The following AKAP13 variants were observed in gnomAD, a reference collection of about 807,000 sequenced individuals.
AKAP13 encodes the protein A-kinase anchor protein 13.
A neutral mutation model predicts 264.5 loss-of-function variants in AKAP13; 80 were observed. The observed-to-expected ratio is 0.30, with a 90% confidence interval of 0.25 to 0.36. The LOEUF is 0.36. Among genes scored for constraint, AKAP13 ranks in the 10% least tolerant of loss-of-function variants. The pLI is 1.00. For synonymous variants in AKAP13, 1,380 were observed against 1,250.2 expected, an observed-to-expected ratio of 1.10 and a Z score of -2.19; for missense variants, 3,712 against 3,435.2, an observed-to-expected ratio of 1.08 and a Z score of -2.01.
rs114396440 is a variant in AKAP13, at chr15:85,717,988, G to A, written c.5849-19G>A. 2,210 of 1,607,670 alleles carry A rather than the reference G, an allele frequency of 1.4e-3. 19 individuals are homozygous for A. In the African/African-American group the frequency reaches 0.019, roughly 14 times the overall value. On this transcript the variant is annotated intron_variant, in intron 21 of 36. Coordinates refer to ENST00000394518, the MANE Select transcript of AKAP13 (RefSeq NM_007200.5). ...AGGTCACAAACCTGATTCTGATATT[G>A]ATTTTTTGATATATTGAGGAGTAGG...
chr15:85,451,978 T>C (rs557954840), intron 1 of AKAP13, among the ~76,000 whole-genome samples: 14 of 152,290 alleles, frequency 9.2e-5, no homozygotes, highest in African/African-American at 3.4e-4. Flanking sequence ...TTGTTGGCGT[T>C]CTCCCCTTGC....
intron 29 of AKAP13, among the ~76,000 whole-genome samples, chr15:85,728,106 A>G (rs528544544): frequency 1.1e-4 from 16 of 152,278 alleles, no homozygotes; most frequent in Non-Finnish European, 2.1e-4. Context: ...CCAGAATTCT[A>G]TTCCCTGTCT....
chr15:85,491,578 A>G (rs2075730161), intron 2 of AKAP13, among the ~76,000 whole-genome samples: 1 of 148,580 alleles, frequency 6.7e-6, no homozygotes, highest in Non-Finnish European at 1.5e-5. Context: ...TTATGAGAGG[A>G]CAGTGTAATA....
At chr15:85,538,490 CTT>C (rs1056287024) in intron 4 of AKAP13, among the ~76,000 whole-genome samples, 13 of 139,022 alleles carry the variant, frequency 9.4e-5, no homozygotes, top group Admixed American at 2.1e-4. Context: ...GCTTTTCTTT[CTT>C]TTTTTTTTTT....
At chr15:85,512,841 GTA>G in intron 2 of AKAP13, among the ~76,000 whole-genome samples, 1 of 151,432 alleles carries the variant, frequency 6.6e-6, no homozygotes, top group Non-Finnish European at 1.5e-5. Flanking sequence ...ATGTATGTAT[GTA>G]TGTATGTATG....
intron 1 of AKAP13, among the ~76,000 whole-genome samples, chr15:85,442,385 G>C (rs1179248471): frequency 7.4e-6 from 1 of 135,154 alleles, no homozygotes; most frequent in African/African-American, 2.8e-5. Flanking sequence ...ACTCCAGCCT[G>C]GGTGATAGAG....
chr15:85,711,713 T>C (rs2086641090), intron 19 of AKAP13, among the ~76,000 whole-genome samples: 1 of 152,214 alleles, frequency 6.6e-6, no homozygotes, highest in African/African-American at 2.4e-5. Flanking sequence ...CTGTGAGACT[T>C]TTCCCAGGCA....
intron 4 of AKAP13, among the ~76,000 whole-genome samples, chr15:85,542,789 A>G (rs1216123374): frequency 6.6e-6 from 1 of 152,258 alleles, no homozygotes. Context: ...CCAAGAGGAC[A>G]GTGAAGAGAG....
At chr15:85,641,464 A>G (rs2082305336) in intron 9 of AKAP13, among the ~76,000 whole-genome samples, 1 of 55,070 alleles carries the variant, frequency 1.8e-5, no homozygotes, top group Non-Finnish European at 5.5e-5. Flanking sequence ...AAATAAATAA[A>G]TAAATAAATA....
At chr15:85,716,770 A>G (rs2086973570) in intron 20 of AKAP13, among the ~76,000 whole-genome samples, 1 of 152,172 alleles carries the variant, frequency 6.6e-6, no homozygotes, top group Non-Finnish European at 1.5e-5. Flanking sequence ...AAGTTGTAAC[A>G]TTACTAAAGT....
intron 4 of AKAP13, chr15:85,534,303 G>A (rs2077323509): frequency 5.0e-6 from 1 of 200,548 alleles, no homozygotes; most frequent in African/African-American, 2.3e-5. Context: ...TGGGCAGTGA[G>A]TGGGAGGAGC....
intron 7 of AKAP13, chr15:85,583,203 G>C: frequency 1.0e-6 from 1 of 983,344 alleles, no homozygotes; most frequent in Non-Finnish European, 1.2e-6. Flanking sequence ...GTTTATTTTT[G>C]CTGTTCTTTT....
chr15:85,517,360 T>C (rs572550960), intron 2 of AKAP13, among the ~76,000 whole-genome samples: 180 of 150,984 alleles, frequency 1.2e-3, no homozygotes, highest in African/African-American at 3.9e-3. Context: ...CTTTTTTTTT[T>C]CCCCCCATCA....
Position 85,468,727 on chromosome 15 carries a change from T to G in AKAP13, c.-11-16983T>G, listed in dbSNP as rs572598514. ...TTTGGGGAATGAGTTTAGTCTTTAC[T>G]AATTTTTTTAGGTCAGAGAGCATAA... On this transcript the variant is annotated intron_variant, in intron 1 of 36. Transcript: ENST00000394518. Among the ~76,000 whole-genome samples, 165 of 152,230 alleles carry G rather than the reference T, an allele frequency of 1.1e-3. 1 individual carries two copies. Among genetic ancestry groups the G allele is most frequent in the African/African-American group, 3.9e-3 (161 of 41,516 alleles).
intron 10 of AKAP13, among the ~76,000 whole-genome samples, chr15:85,647,671 C>T (rs1462924123): frequency 1.3e-5 from 2 of 151,974 alleles, no homozygotes; most frequent in African/African-American, 2.4e-5. Context: ...TAGGACCGGG[C>T]GCAATGGCTC....
chr15:85,462,467 A>G (rs973699467), intron 1 of AKAP13, among the ~76,000 whole-genome samples: 5 of 152,190 alleles, frequency 3.3e-5, no homozygotes, highest in African/African-American at 9.6e-5. Context: ...CTTTGGAGGA[A>G]TAGAAAAATC....
rs11073505 is a variant in AKAP13, at chr15:85,724,170, T to G, written c.6745+850T>G. Among the ~76,000 whole-genome samples, 7,380 of 152,208 alleles carry G rather than the reference T, an allele frequency of 0.048. 565 individuals carry two copies. Among genetic ancestry groups the G allele is most frequent in the African/African-American group, 0.16 (6,670 of 41,506 alleles). On this transcript the variant is annotated intron_variant, in intron 26 of 36. Transcript: ENST00000394518. The surrounding 1 kb of genome is among the most constrained non-coding windows in gnomAD (Gnocchi z 4.2). ...TGGAGGAAATGGGTGCTGCTTTCAT[T>G]TCTGAGGTATAAGTGATGATGTAGA...
rs998983703 is a variant in AKAP13 at position 85,708,685 on chromosome 15, A to T, written c.5532+599A>T. Among the ~76,000 whole-genome samples the T allele has an allele frequency of 1.3e-5, 2 of 152,134 alleles. No homozygotes were observed. Among genetic ancestry groups the T allele is most frequent in the African/African-American group, 4.8e-5 (2 of 41,416 alleles). ...AAAAAAAGTGTGGGTTAAGGGCCAT[A>T]CCTTTTAGGTAGCCTGTGAGGTTTT... On this transcript the variant is annotated intron_variant, in intron 18 of 36. Coordinates refer to ENST00000394518, the MANE Select transcript of AKAP13 (RefSeq NM_007200.5). This position sits in a 1 kb window ranked among gnomAD's most constrained non-coding sequence, Gnocchi z 4.3.
chr15:85,744,339 A>T, intron 36 of AKAP13: 1 of 401,282 alleles, frequency 2.5e-6, no homozygotes, highest in Non-Finnish European at 4.5e-6. Context: ...TCTCTTTAGG[A>T]TTGATCTCTC....
Sources: allele counts gnomAD v4.1 joint callset (sites outside exome capture counted in the v4.1 genomes callset), GRCh38; gene constraint gnomAD v4.1.1; non-coding constraint Gnocchi (gnomAD v3.1); transcripts MANE v1.5; gene names NCBI Gene and HGNC (gene_info 2026-07-23, HGNC 2026-07-21).